PDE1C: variants seen among roughly 807,000 people sequenced by gnomAD.
PDE1C encodes the protein dual specificity calcium/calmodulin-dependent 3',5'-cyclic nucleotide phosphodiesterase 1C.
PDE1C carries 62 observed loss-of-function variants against 93.1 expected under a neutral mutation model. The ratio of observed to expected loss-of-function variants is 0.67; its 90% CI spans 0.54 to 0.82. The LOEUF is 0.82. Ranked by LOEUF, PDE1C falls within the 40% of genes least tolerant of loss-of-function variation. The pLI is 0.00. For synonymous variants in PDE1C, 325 were observed against 310.1 expected (o/e 1.05, Z -0.50); for missense variants, 742 against 884.6 (o/e 0.84, Z 2.04).
At chr7:31,631,338 A>G in the PDE1C span, among the ~76,000 whole-genome samples, 1 of 152,246 alleles carries the variant, frequency 6.6e-6, no homozygotes, top group Admixed American at 6.5e-5. Flanking sequence ...AAAAATTCAC[A>G]TTATATGAAA....
At chr7:31,830,573 C>T (rs1790254302) in intron 11 of PDE1C, among the ~76,000 whole-genome samples, 1 of 152,200 alleles carries the variant, frequency 6.6e-6, no homozygotes, top group Non-Finnish European at 1.5e-5. Flanking sequence ...TTTGGCCACT[C>T]AGACATTCAT....
chr7:31,699,571 A>G, the PDE1C span, among the ~76,000 whole-genome samples: 1,046 of 152,252 alleles, frequency 6.9e-3, 10 homozygotes, highest in African/African-American at 0.024. Context: ...AGAGGTTTGC[A>G]GTGTTAATGG....
chr7:32,146,235 G>A (rs1032214586), intron 3 of PDE1C, among the ~76,000 whole-genome samples: 5 of 152,182 alleles, frequency 3.3e-5, no homozygotes, highest in African/African-American at 1.2e-4. Context: ...TTTGGGAGGA[G>A]TGTATCCATT....
intron 1 of PDE1C, among the ~76,000 whole-genome samples, chr7:32,420,565 G>T (rs1039232096): frequency 7.0e-6 from 1 of 143,462 alleles, no homozygotes; most frequent in East Asian, 2.1e-4. Context: ...AAAAAAAAAG[G>T]GGGGGTGGTA....
intron 2 of PDE1C, among the ~76,000 whole-genome samples, chr7:31,946,030 C>T (rs1211305564): frequency 6.6e-6 from 1 of 152,160 alleles, no homozygotes; most frequent in Non-Finnish European, 1.5e-5. Flanking sequence ...GATTCTTTCT[C>T]ATTTCCATCT....
chr7:31,640,582 T>C, the PDE1C span, among the ~76,000 whole-genome samples: 3 of 152,180 alleles, frequency 2.0e-5, no homozygotes, highest in African/African-American at 7.2e-5. Flanking sequence ...TTCAGATCAC[T>C]TGTTCCTGTT....
rs3801351 is a variant in PDE1C at position 31,832,155 on chromosome 7, G to C, written c.1204-3782C>G. Among the ~76,000 whole-genome samples, 1,331 of 152,204 alleles carry C rather than the reference G, an allele frequency of 8.7e-3. 26 individuals carry two copies. The highest frequency in any genetic ancestry group is 0.068 in the East Asian group (353 of 5,170). ...AATAAAACAATCTGATAATTTCATAGAGAACAAAGGAAAAAACTCACCAAC... is the reference window on the plus strand; with the variant it reads ...AATAAAACAATCTGATAATTTCATACAGAACAAAGGAAAAAACTCACCAAC... On this transcript the variant is annotated intron_variant, in intron 11 of 17. Transcript: ENST00000396191.
In PDE1C at chr7:32,398,538, G is replaced by A. The variant is rs147503751; in HGVS notation, c.310+29284C>T. Among the ~76,000 whole-genome samples, 932 of 151,756 alleles carry A rather than the reference G, an allele frequency of 6.1e-3. 11 individuals are homozygous for A. The highest frequency in any genetic ancestry group is 0.021 in the African/African-American group (874 of 41,434). Reference sequence around the variant, plus strand: ...CAAGTAGCTGGGATTACAGGTGCATGCCACCAAACCCAGCTGATATTTGTA... The same window carrying A: ...CAAGTAGCTGGGATTACAGGTGCATACCACCAAACCCAGCTGATATTTGTA... On this transcript the variant is annotated intron_variant, in intron 1 of 1. Coordinates refer to the PDE1C transcript ENST00000672256.
chr7:32,250,476 T>A (rs1809291043), intron 1 of PDE1C, among the ~76,000 whole-genome samples: 1 of 152,168 alleles, frequency 6.6e-6, no homozygotes, highest in African/African-American at 2.4e-5. Context: ...CTGGCTCCCT[T>A]CCCAGCCTAT....
At chr7:31,632,340 T>C in the PDE1C span, among the ~76,000 whole-genome samples, 5 of 152,010 alleles carry the variant, frequency 3.3e-5, no homozygotes, top group Admixed American at 2.6e-4. Context: ...CCCAGCTACT[T>C]GAGAGGCTGA....
the PDE1C span, among the ~76,000 whole-genome samples, chr7:31,628,642 G>A: frequency 1.4e-4 from 22 of 152,050 alleles, no homozygotes; most frequent in African/African-American, 5.3e-4. Flanking sequence ...ATTTTTAGTA[G>A]AGACAGGGTT....
intron 16 of PDE1C, among the ~76,000 whole-genome samples, chr7:31,782,844 C>G (rs1218827879): frequency 1.3e-5 from 2 of 152,170 alleles, no homozygotes; most frequent in Non-Finnish European, 2.9e-5. Flanking sequence ...ATGAGCTATT[C>G]AACACTTTAT....
the PDE1C span, among the ~76,000 whole-genome samples, chr7:31,620,451 C>A: frequency 6.6e-6 from 1 of 151,528 alleles, no homozygotes; most frequent in Admixed American, 6.6e-5. Context: ...TCGAGATTCA[C>A]GAAAAATACC....
Position 31,880,799 on chromosome 7 carries a change from T to C in PDE1C, c.190A>G (p.Asn64Asp). 3 of 1,612,512 alleles carry C rather than the reference T, an allele frequency of 1.9e-6. No homozygotes were observed. Among genetic ancestry groups the C allele is most frequent in the South Asian group, 2.2e-5 (2 of 91,034 alleles). The change falls in exon 3 of 18, where the codon AAT becomes GAT. Residue 64 changes from asparagine to aspartate, a missense_variant. Physicochemically the swap from Asn to Asp is conservative, Grantham distance 23. Coordinates refer to ENST00000396191, the MANE Select transcript of PDE1C (RefSeq NM_001191057.4). Reference protein sequence around the residue: ...GEASVVDLKKNLEYAATVLES... With the variant: ...GEASVVDLKKDLEYAATVLES... ...AGCACTGTGGCTGCATATTCCAAAT[T>C]CTTCTTAAGATCTACCACTGAAGCT...
intron 1 of PDE1C, among the ~76,000 whole-genome samples, chr7:32,266,756 G>A (rs1187462016): frequency 1.3e-5 from 2 of 152,160 alleles, no homozygotes; most frequent in Non-Finnish European, 1.5e-5. Flanking sequence ...AGCTGGCGGT[G>A]AGGATGAACA....
intron 1 of PDE1C, among the ~76,000 whole-genome samples, chr7:32,254,674 C>G (rs1809654224): frequency 6.6e-6 from 1 of 152,082 alleles, no homozygotes; most frequent in Non-Finnish European, 1.5e-5. Context: ...TTTTGTGTGT[C>G]TGTGTGTGTC....
the PDE1C span, among the ~76,000 whole-genome samples, chr7:31,740,118 C>T: frequency 6.6e-6 from 1 of 151,768 alleles, no homozygotes; most frequent in Non-Finnish European, 1.5e-5. Flanking sequence ...ATGTCTTGCA[C>T]CTTTTGCTCT....
At chr7:31,754,710 A>G (rs954637439) in intron 17 of PDE1C, among the ~76,000 whole-genome samples, 18 of 152,190 alleles carry the variant, frequency 1.2e-4, no homozygotes, top group African/African-American at 4.3e-4. Flanking sequence ...GATGATAAAA[A>G]CATCAGAGAT....
At chr7:32,355,662 T>C (rs994706110) in intron 1 of PDE1C, among the ~76,000 whole-genome samples, 3 of 152,224 alleles carry the variant, frequency 2.0e-5, no homozygotes, top group East Asian at 1.9e-4. Context: ...ATTTCTAAGA[T>C]AGTTTTTAAT....
Sources: allele counts gnomAD v4.1 joint callset (sites outside exome capture counted in the v4.1 genomes callset), GRCh38; gene constraint gnomAD v4.1.1; transcripts MANE v1.5; gene names NCBI Gene and HGNC (gene_info 2026-07-23, HGNC 2026-07-21).